E2F3: variants seen among roughly 807,000 people sequenced by gnomAD.
E2F3 encodes transcription factor E2F3.
Under a neutral mutation model 44.4 loss-of-function variants are expected in E2F3, and 11 were observed. The observed-to-expected ratio is 0.25, with a 90% CI of 0.16 to 0.41. The LOEUF is 0.41. Among genes scored for constraint, E2F3 ranks in the 10% least tolerant of loss-of-function variants. The probability of loss-of-function intolerance (pLI) is 1.00; values close to 1 mark genes in which losing one functional copy is unlikely to be tolerated. For missense variants in E2F3, 487 were observed against 583.6 expected, an observed-to-expected ratio of 0.83 and a Z score of 1.70; for synonymous variants, 249 against 253.0, an observed-to-expected ratio of 0.98 and a Z score of 0.15.
At chr6:20,429,384 C>G (rs961895948) in intron 1 of E2F3, among the ~76,000 whole-genome samples, 1 of 152,192 alleles carries the variant, frequency 6.6e-6, no homozygotes, top group Non-Finnish European at 1.5e-5. Context: ...TGAGTAGCAT[C>G]ATTAAATACC....
At chr6:20,462,492 CTG>C (rs1006639779) in intron 1 of E2F3, among the ~76,000 whole-genome samples, 10 of 149,980 alleles carry the variant, frequency 6.7e-5, no homozygotes, top group African/African-American at 2.5e-4. Context: ...GAGTCTCACT[CTG>C]TCACCCAGGC....
At chr6:20,462,861 T>C (rs564124611) in intron 1 of E2F3, among the ~76,000 whole-genome samples, 277 of 3,024 alleles carry the variant, frequency 0.092, no homozygotes, top group East Asian at 0.25. Flanking sequence ...CTCTCTCTCT[T>C]TTTTTTTTTT....
At chr6:20,489,497 T>C (rs1322404574) in intron 6 of E2F3, among the ~76,000 whole-genome samples, 1 of 152,060 alleles carries the variant, frequency 6.6e-6, no homozygotes, top group Non-Finnish European at 1.5e-5. Flanking sequence ...CTTTTTTCAG[T>C]TGGTGAGTTT....
intron 1 of E2F3, chr6:20,403,535 A>T (rs1561843707): frequency 2.5e-6 from 1 of 406,828 alleles, no homozygotes; most frequent in Non-Finnish European, 4.4e-6. Context: ...CGTTTCGCAC[A>T]CGTGCGCGCA....
intron 2 of E2F3, among the ~76,000 whole-genome samples, chr6:20,480,422 G>A (rs569405082): frequency 4.6e-5 from 7 of 152,236 alleles, no homozygotes; most frequent in East Asian, 3.9e-4. Context: ...TACTATTACC[G>A]TTTCTTGTGG....
intron 1 of E2F3, among the ~76,000 whole-genome samples, chr6:20,411,680 T>C (rs1327735888): frequency 3.3e-5 from 5 of 152,166 alleles, no homozygotes; most frequent in Non-Finnish European, 4.4e-5. Flanking sequence ...CTTCTCCCTC[T>C]CCACCTTACT....
chr6:20,402,686 G>T lies in E2F3; in HGVS notation c.393+61G>T. The T allele has an allele frequency of 7.8e-7, 1 of 1,279,868 alleles. No homozygotes were observed. Among genetic ancestry groups the T allele is most frequent in the Non-Finnish European group, 9.8e-7 (1 of 1,016,952 alleles). 79.3% of individuals were successfully genotyped at this position (1,279,868 alleles called of 1,614,324 possible). Reference sequence around the variant, plus strand: ...CGGGAGGTGGGCTCGCACCGCGCGGGGTCGTGGGCGCGCTGCGGGCCGCTC... The same window carrying T: ...CGGGAGGTGGGCTCGCACCGCGCGGTGTCGTGGGCGCGCTGCGGGCCGCTC... On this transcript the variant is annotated intron_variant, in intron 1 of 6. Transcript: ENST00000346618. The surrounding 1 kb of genome is among the most constrained non-coding windows in gnomAD (Gnocchi z 5.6).
At chr6:20,444,176 G>A (rs4712497) in intron 1 of E2F3, among the ~76,000 whole-genome samples, 113,011 of 152,136 alleles carry the variant, frequency 0.74, 45,781 homozygotes, top group East Asian at 0.94. Context: ...GCAGCAGAGC[G>A]AGACCTAGTC....
At chr6:20,480,321 T>C (rs954664376) in intron 2 of E2F3, among the ~76,000 whole-genome samples, 2 of 152,202 alleles carry the variant, frequency 1.3e-5, no homozygotes, top group African/African-American at 4.8e-5. Context: ...GTCACCAGTG[T>C]CTGTGCCGAC....
intron 4 of E2F3, among the ~76,000 whole-genome samples, chr6:20,485,008 C>T (rs1762344182): frequency 6.6e-6 from 1 of 150,822 alleles, no homozygotes. Context: ...ATTCTAGGGT[C>T]TCTAAGCCCC....
chr6:20,490,149 A>C lies in E2F3; in HGVS notation c.1136-19A>C, dbSNP rs369688172. 1.9e-6 allele frequency: 3 copies of C among 1,550,884 alleles called. No individual in the cohort carries two copies. Among genetic ancestry groups the C allele is most frequent in the Non-Finnish European group, 2.6e-6 (3 of 1,149,334 alleles). ...TTTTTCTAACTTATTTTTTGTTTCC[A>C]TCAATGTTTTCTTTTCAGACTTGGC... On this transcript the variant is annotated intron_variant, in intron 6 of 6. Transcript: ENST00000346618. This position sits in a 1 kb window ranked among gnomAD's most constrained non-coding sequence, Gnocchi z 4.3.
intron 1 of E2F3, among the ~76,000 whole-genome samples, chr6:20,457,348 C>CTTTT (rs60238519): frequency 3.9e-4 from 43 of 109,480 alleles, no homozygotes; most frequent in South Asian, 6.7e-4. Flanking sequence ...CTTATTTTTT[C>CTTTT]TTTTTTTTTT....
At position 20,481,243 on chromosome 6, in the gene E2F3, G is replaced by A. The variant is rs757990691; in HGVS notation, c.543G>A (p.Thr181=). 23 of 1,613,826 alleles carry A rather than the reference G, an allele frequency of 1.4e-5. No individual in the cohort carries two copies. Among genetic ancestry groups the A allele is most frequent in the South Asian group, 8.8e-5 (8 of 91,078 alleles). Residue 181 remains threonine (T), a synonymous_variant, in exon 3 of 7, where the codon ACG becomes ACA. Coordinates refer to ENST00000346618, the MANE Select transcript of E2F3 (RefSeq NM_001949.5). Reference sequence around the variant, plus strand: ...CCTCAGAAAAAACGCGGTATGATACGTCTCTTGGTCTGCTCACCAAGAAGT... The same window carrying A: ...CCTCAGAAAAAACGCGGTATGATACATCTCTTGGTCTGCTCACCAAGAAGT... ...KSPSEKTRYD[T]SLGLLTKKFI...
chr6:20,402,543 A>G lies in E2F3; in HGVS notation c.311A>G (p.His104Arg), dbSNP rs755322436. The change falls in exon 1 of 7, where the codon CAC becomes CGC. Residue 104 changes from histidine to arginine, a missense_variant. This residue lies in a region of E2F3 where 238 missense variants were observed against 236.0 expected (regional missense o/e 1.01). Transcript: ENST00000346618. The surrounding 1 kb of genome is among the most constrained non-coding windows in gnomAD (Gnocchi z 5.6). ...GGCAGCCTCCTCTACACCACGCCGC[A>G]CGGACCCTCCAGCAGAGCCGGGCTG... ...TAGSLLYTTP[H>R]GPSSRAGLLQ... 4 of 1,590,308 alleles carry G rather than the reference A, an allele frequency of 2.5e-6. No individual in the cohort carries two copies. The highest frequency in any genetic ancestry group is 1.4e-5 in the African/African-American group (1 of 73,496).
chr6:20,483,326 G>C (rs1762292455), intron 4 of E2F3, among the ~76,000 whole-genome samples: 1 of 152,166 alleles, frequency 6.6e-6, no homozygotes, highest in African/African-American at 2.4e-5. Flanking sequence ...TTTTTGGTGG[G>C]TGTTAGCTGT....
intron 2 of E2F3, among the ~76,000 whole-genome samples, chr6:20,480,298 G>A (rs1465568364): frequency 6.6e-6 from 1 of 152,090 alleles, no homozygotes; most frequent in Non-Finnish European, 1.5e-5. Flanking sequence ...GGATGTCCAC[G>A]AACTATGCCA....
At chr6:20,481,456 C>T in intron 3 of E2F3, 31 bp downstream of exon 3, 1 of 1,597,744 alleles carries the variant, frequency 6.3e-7, no homozygotes, top group Non-Finnish European at 8.6e-7. Flanking sequence ...TGCCCCGGCT[C>T]TGAGGGGGTC....
At chr6:20,439,936 T>C (rs1760718983) in intron 1 of E2F3, 1 of 152,248 alleles carries the variant, frequency 6.6e-6, no homozygotes, top group African/African-American at 2.4e-5. Flanking sequence ...ATGACCAATA[T>C]TGGTCTCTTT....
chr6:20,447,204 TGCTGGGCGTTC>T (rs1280889672), intron 1 of E2F3, among the ~76,000 whole-genome samples: 11 of 152,294 alleles, frequency 7.2e-5, no homozygotes, highest in Admixed American at 1.3e-4. Flanking sequence ...GACCAGCCAG[TGCTGGGCGTTC>T]TGCAGCTTGG....
Sources: gnomAD v4.1 joint callset for allele counts (sites outside exome capture counted in the v4.1 genomes callset) on GRCh38, gnomAD v4.1.1 for gene constraint, gnomAD v4.1.1 regional missense constraint, Gnocchi (gnomAD v3.1) non-coding constraint, MANE v1.5 for transcripts, NCBI Gene and HGNC (gene_info 2026-07-23, HGNC 2026-07-21) for gene names.